Variants in CEP350 observed in about 807,000 individuals in gnomAD.
CEP350 encodes the protein centrosome-associated protein 350.
CEP350 carries 126 observed loss-of-function variants against 331.8 expected under a neutral mutation model. The observed-to-expected ratio is 0.38, with a 90% CI of 0.33 to 0.44. The LOEUF (loss-of-function observed/expected upper bound fraction) is 0.44, where lower values mean the gene tolerates loss of function less well. Ranked by LOEUF, CEP350 falls within the 20% of genes least tolerant of loss-of-function variation. CEP350 has a pLI of 1.00. For missense variants in CEP350, 3,406 were observed against 3,634.6 expected (o/e 0.94, Z 1.62); for synonymous variants, 1,200 against 1,259.5 (o/e 0.95, Z 1.00).
Position 180,020,742 on chromosome 1 carries a change from G to A in CEP350, c.2968G>A (p.Glu990Lys). ...DSVSEGPLLS[E>K]GSLSEEEGDQ... ...AGTCAGTGAAGGGCCTCTTCTTAGT[G>A]AGGGGAGTCTCTCTGAAGAAGAGGG... The change falls in exon 12 of 38, where the codon GAG (glutamate) becomes AAG (lysine). Residue 990 changes from glutamate (E) to lysine (K), a missense_variant. Coordinates refer to ENST00000367607, the MANE Select transcript of CEP350 (RefSeq NM_014810.5). The A allele has an allele frequency of 6.2e-7, 1 of 1,614,028 alleles. No individual in the cohort carries two copies. The highest frequency in any genetic ancestry group is 1.3e-5 in the African/African-American group (1 of 75,050).
chr1:180,084,163 G>A lies in CEP350; in HGVS notation c.6270G>A (p.Leu2090=). 1 of 1,589,032 alleles carries A rather than the reference G, an allele frequency of 6.3e-7. No individual in the cohort carries two copies. Among genetic ancestry groups the A allele is most frequent in the Non-Finnish European group, 8.6e-7 (1 of 1,167,096 alleles). Residue 2090 remains leucine (L), a synonymous_variant, in exon 31 of 38, where the codon CTG becomes CTA. Transcript: ENST00000367607. ...GACTGAAAGCCCAAGAAGCCAGTCT[G>A]ATCAAGCAGTTAGAGGTTAGACATA... ...KERLKAQEAS[L]IKQLESYDEF...
chr1:180,009,211 T>C (rs1294994257), intron 8 of CEP350, among the ~76,000 whole-genome samples: 2 of 152,202 alleles, frequency 1.3e-5, no homozygotes, highest in Non-Finnish European at 2.9e-5. Flanking sequence ...GGTTTTGCCA[T>C]GTTGGCCAGG....
At chr1:180,048,798 G>A in intron 22 of CEP350, 93 bp downstream of exon 22, 1 of 971,448 alleles carries the variant, frequency 1.0e-6, no homozygotes, top group Non-Finnish European at 1.5e-6. Flanking sequence ...GCTGGATGTG[G>A]TGGCTCATGC....
At chr1:180,043,338 A>G in intron 20 of CEP350, 146 bp downstream of exon 20, 1 of 971,128 alleles carries the variant, frequency 1.0e-6, no homozygotes, top group Non-Finnish European at 1.4e-6. Context: ...GGGAAGATAA[A>G]CATTACTCAA....
chr1:180,113,699 CT>C lies in CEP350; in HGVS notation c.*2543del, dbSNP rs147012929. On this transcript the variant is annotated 3_prime_UTR_variant, in exon 38 of 38. Transcript: ENST00000367607. ...CCAGCCACTCGTTCCATATTGGTAT[CT>C]TTTTAAATCAGCTCTGCCTCTTAAT... The C allele has an allele frequency of 0.12, 18,178 of 152,168 alleles. 1,171 individuals are homozygous for C. The highest frequency in any genetic ancestry group is 0.16 in the South Asian group (794 of 4,824). 9.4% of individuals were successfully genotyped at this position (152,168 alleles called of 1,614,324 possible).
At chr1:180,108,284 G>T (rs1381360936) in intron 37 of CEP350, among the ~76,000 whole-genome samples, 7 of 152,078 alleles carry the variant, frequency 4.6e-5, no homozygotes, top group Admixed American at 3.3e-4. Flanking sequence ...TTTCCTTAGT[G>T]TTTCCTAAAT....
intron 21 of CEP350, among the ~76,000 whole-genome samples, chr1:180,045,946 C>A (rs1178919233): frequency 6.6e-6 from 1 of 152,206 alleles, no homozygotes; most frequent in Non-Finnish European, 1.5e-5. Flanking sequence ...TCTAGAAGAA[C>A]CATGCTCTCT....
rs1275268332 is a variant in CEP350 at position 180,098,881 on chromosome 1, G to A, written c.9085G>A (p.Val3029Ile). Residue 3029 changes from valine to isoleucine, a missense_variant, in exon 37 of 38, where the codon GTA becomes ATA. Coordinates refer to ENST00000367607, the MANE Select transcript of CEP350 (RefSeq NM_014810.5). ...DEIKSFIASE[V>I]LKLFSLKKEP... is the part of the protein sequence containing the mutation. ...TCCACAGAGCTTCATAGCAAGTGAA[G>A]TACTCAAGTTGTTCAGTCTTAAAAA... The A allele has an allele frequency of 6.2e-7, 1 of 1,613,156 alleles. No individual in the cohort carries two copies.
chr1:180,042,159 C>T (rs1656807711), intron 19 of CEP350, among the ~76,000 whole-genome samples: 1 of 151,920 alleles, frequency 6.6e-6, no homozygotes, highest in African/African-American at 2.4e-5. Flanking sequence ...CACACACACA[C>T]ACACACACAT....
intron 14 of CEP350, among the ~76,000 whole-genome samples, chr1:180,030,309 A>ATATATG (rs1553257054): frequency 6.9e-6 from 1 of 144,594 alleles, no homozygotes; most frequent in African/African-American, 2.5e-5. Flanking sequence ...ATATATGTGT[A>ATATATG]TATATGTATA....
chr1:180,093,314 G>C lies in CEP350; in HGVS notation c.7209G>C (p.Leu2403=). Reference sequence around the variant, plus strand: ...ATGATTTTGAGGTGTCATCTTTGCTGTCACTCAGGAAAGACTCTCAGTCTT... The same window carrying C: ...ATGATTTTGAGGTGTCATCTTTGCTCTCACTCAGGAAAGACTCTCAGTCTT... ...YKDDFEVSSL[L]SLRKDSQSCR... is the part of the protein sequence containing the mutation. The change falls in exon 34 of 38, where the codon CTG becomes CTC. Residue 2403 remains leucine (L), a synonymous_variant. Transcript: ENST00000367607. 6.3e-7 allele frequency: 1 copy of C among 1,598,260 alleles called. No homozygotes were observed. Among genetic ancestry groups the C allele is most frequent in the South Asian group, 1.1e-5 (1 of 88,368 alleles).
At chr1:180,099,309 G>A (rs1007977289) in intron 37 of CEP350, among the ~76,000 whole-genome samples, 1 of 152,196 alleles carries the variant, frequency 6.6e-6, no homozygotes, top group African/African-American at 2.4e-5. Flanking sequence ...ATCTCTTGAT[G>A]TGTAATCTTG....
intron 37 of CEP350, among the ~76,000 whole-genome samples, chr1:180,105,180 A>G (rs1233616126): frequency 6.6e-6 from 1 of 151,972 alleles, no homozygotes; most frequent in Non-Finnish European, 1.5e-5. Flanking sequence ...AGCAGCATTC[A>G]ACACAGTTGA....
Position 179,969,519 on chromosome 1 carries a change from T to C in CEP350, c.-14+14377T>C, listed in dbSNP as rs1295466614. ...GCACTGAATTGGCCTTAAGCTGTTC[T>C]TGCATGGACTCTTAAGCAACATGGA... is the stretch of plus-strand genomic sequence containing the variant. On this transcript the variant is annotated intron_variant, in intron 1 of 37. Transcript: ENST00000367607. The C allele has an allele frequency of 6.8e-6, 3 of 439,104 alleles. No individual in the cohort carries two copies. In the East Asian group the frequency reaches 2.0e-4, roughly 29 times the overall value. 27.2% of individuals were successfully genotyped at this position (439,104 alleles called of 1,614,324 possible).
intron 11 of CEP350, among the ~76,000 whole-genome samples, chr1:180,016,657 T>C (rs1234692022): frequency 9.1e-6 from 1 of 109,300 alleles, no homozygotes; most frequent in Non-Finnish European, 1.9e-5. Context: ...AATTTTGGGT[T>C]ATGTTTTTTT....
At position 179,975,754 on chromosome 1, in the gene CEP350, G is replaced by C. The variant is rs1651815375; in HGVS notation, c.-13-10415G>C. Among the ~76,000 whole-genome samples, 7 of 152,202 alleles carry C rather than the reference G, an allele frequency of 4.6e-5. No individual in the cohort carries two copies. The South Asian group carries it at 1.5e-3, about 32-fold the overall frequency. ...TTGGTTTTGAACATGAAAAATTTGA[G>C]GTGCCAATGGTGCTTGGTGATAGAC... On this transcript the variant is annotated intron_variant, in intron 1 of 37. Coordinates refer to ENST00000367607, the MANE Select transcript of CEP350 (RefSeq NM_014810.5).
At chr1:179,985,846 G>A (rs1291540950) in intron 1 of CEP350, among the ~76,000 whole-genome samples, 1 of 152,172 alleles carries the variant, frequency 6.6e-6, no homozygotes, top group African/African-American at 2.4e-5. Context: ...TGAGATTTGG[G>A]TGGGGACACA....
chr1:179,977,407 G>A (rs1342506422), intron 1 of CEP350, among the ~76,000 whole-genome samples: 3 of 152,192 alleles, frequency 2.0e-5, no homozygotes, highest in Non-Finnish European at 4.4e-5. Flanking sequence ...TAAATACTGA[G>A]TTCAGGCTAG....
intron 1 of CEP350, among the ~76,000 whole-genome samples, chr1:179,964,412 C>T (rs1650844148): frequency 6.6e-6 from 1 of 151,958 alleles, no homozygotes; most frequent in South Asian, 2.1e-4. Flanking sequence ...TTTGTCCATT[C>T]AGTGTGATCT....
Sources: allele counts gnomAD v4.1 joint callset (sites outside exome capture counted in the v4.1 genomes callset), GRCh38; gene constraint gnomAD v4.1.1; transcripts MANE v1.5; gene names NCBI Gene and HGNC (gene_info 2026-07-23, HGNC 2026-07-21).